The following ADIPOR2 variants were observed in gnomAD, a reference collection of about 807,000 sequenced individuals.
ADIPOR2 encodes adiponectin receptor 2.
Under a neutral mutation model 40.9 loss-of-function variants are expected in ADIPOR2, and 18 were observed. That is an observed-to-expected ratio of 0.44 (90% confidence interval 0.30 to 0.65). The LOEUF is 0.65. ADIPOR2 is among the 30% of genes least tolerant of loss of function. The pLI, the probability that ADIPOR2 is intolerant of heterozygous loss-of-function variation, is 0.09. For missense variants in ADIPOR2, 283 were observed against 479.2 expected (o/e 0.59, Z 3.82); for synonymous variants, 165 against 166.4 (o/e 0.99, Z 0.06).
At chr12:1,781,228 T>TA in intron 6 of ADIPOR2, 152 bp downstream of exon 6, 1 of 841,972 alleles carries the variant, frequency 1.2e-6, no homozygotes, top group Non-Finnish European at 1.7e-6. Flanking sequence ...GGGGTTTTTT[T>TA]ATGTAGTAGT....
intron 2 of ADIPOR2, among the ~76,000 whole-genome samples, chr12:1,754,994 ATGAGTCAT>A (rs1862092925): frequency 8.5e-6 from 1 of 118,144 alleles, no homozygotes; most frequent in Non-Finnish European, 2.1e-5. Flanking sequence ...GATTACAGGC[ATGAGTCAT>A]CGTGCCCAGC....
At chr12:1,746,680 T>C (rs915207048) in intron 1 of ADIPOR2, among the ~76,000 whole-genome samples, 1 of 152,158 alleles carries the variant, frequency 6.6e-6, no homozygotes, top group Non-Finnish European at 1.5e-5. Context: ...CTGGAGACTT[T>C]AATATGCCAC....
intron 4 of ADIPOR2, among the ~76,000 whole-genome samples, chr12:1,779,236 T>C (rs1404732902): frequency 6.6e-6 from 1 of 152,200 alleles, no homozygotes; most frequent in Non-Finnish European, 1.5e-5. Flanking sequence ...TGCAGCAACA[T>C]TATTCATAAT....
chr12:1,723,114 AG>A (rs1298252001), intron 1 of ADIPOR2, among the ~76,000 whole-genome samples: 1 of 152,190 alleles, frequency 6.6e-6, no homozygotes, highest in South Asian at 2.1e-4. Flanking sequence ...GTGGCCTTGA[AG>A]TTCATTTTGG....
At chr12:1,700,382 T>C (rs1183155974) in intron 1 of ADIPOR2, among the ~76,000 whole-genome samples, 6 of 152,232 alleles carry the variant, frequency 3.9e-5, no homozygotes, top group Non-Finnish European at 7.3e-5. Context: ...GGAGGATGTC[T>C]TTGTGGTAGG....
chr12:1,783,278 G>T (rs1162189419), intron 6 of ADIPOR2, among the ~76,000 whole-genome samples: 1 of 152,056 alleles, frequency 6.6e-6, no homozygotes, highest in Non-Finnish European at 1.5e-5. Context: ...AGAAGGACAG[G>T]CTAGGACAGT....
chr12:1,741,100 T>C (rs1479040020), intron 1 of ADIPOR2, among the ~76,000 whole-genome samples: 2 of 151,794 alleles, frequency 1.3e-5, no homozygotes, highest in African/African-American at 4.8e-5. Context: ...GTTGGAGAGG[T>C]TGGTGGGGCA....
At chr12:1,774,607 A>T (rs1862549570) in intron 3 of ADIPOR2, among the ~76,000 whole-genome samples, 1 of 152,158 alleles carries the variant, frequency 6.6e-6, no homozygotes, top group African/African-American at 2.4e-5. Context: ...TCCACGTTTG[A>T]TCTTGGTCAC....
At chr12:1,719,967 G>A (rs1473994374) in intron 1 of ADIPOR2, among the ~76,000 whole-genome samples, 2 of 152,076 alleles carry the variant, frequency 1.3e-5, no homozygotes, top group South Asian at 4.1e-4. Flanking sequence ...TTGAGCCACC[G>A]TGTCTGTCCT....
At chr12:1,722,619 T>C (rs7975375) in intron 1 of ADIPOR2, among the ~76,000 whole-genome samples, 23,046 of 152,162 alleles carry the variant, frequency 0.15, 1,906 homozygotes, top group African/African-American at 0.21. Flanking sequence ...AATAGACTCC[T>C]AAGAAATTTT....
rs1338832547 is a variant in ADIPOR2, at chr12:1,723,349, G to T, written c.-86-30909G>T. ...TAATTCCTTCTAAAAATGTGGAAGG[G>T]CTGGGCACAGTGGCTCATGCCTGTA... On this transcript the variant is annotated intron_variant, in intron 1 of 7. Coordinates refer to ENST00000357103, the MANE Select transcript of ADIPOR2 (RefSeq NM_024551.3). Among the ~76,000 whole-genome samples, 4 of 151,926 alleles carry T rather than the reference G, an allele frequency of 2.6e-5. No homozygotes were observed. In the South Asian group the frequency reaches 8.3e-4, roughly 32 times the overall value.
At chr12:1,736,037 G>A (rs2094729763) in intron 1 of ADIPOR2, among the ~76,000 whole-genome samples, 1 of 152,206 alleles carries the variant, frequency 6.6e-6, no homozygotes, top group African/African-American at 2.4e-5. Context: ...GTTCATCAGG[G>A]ATATTGGTCT....
At position 1,786,156 on chromosome 12, in the gene ADIPOR2, C is replaced by T. The variant is rs1260189488; in HGVS notation, c.*84C>T. ...TCCCTGCTGGCTACTGATGCCAGTA[C>T]CAGAGGAGCCCCAAAACTTTGACAG... is the stretch of plus-strand genomic sequence containing the variant. On this transcript the variant is annotated 3_prime_UTR_variant, in exon 8 of 8. Coordinates refer to ENST00000357103, the MANE Select transcript of ADIPOR2 (RefSeq NM_024551.3). The T allele has an allele frequency of 2.0e-6, 3 of 1,519,644 alleles. No homozygotes were observed. The highest frequency in any genetic ancestry group is 4.5e-5 in the East Asian group (2 of 44,120). 94.1% of individuals were successfully genotyped at this position (1,519,644 alleles called of 1,614,324 possible). A position where few individuals can be genotyped will look rare whatever the true frequency, so the allele number is the denominator to read the frequency against.
rs142415743 is a variant in ADIPOR2, at chr12:1,729,932, C to A, written c.-86-24326C>A. Among the ~76,000 whole-genome samples, 133 of 152,092 alleles carry A rather than the reference C, an allele frequency of 8.7e-4. 3 individuals are homozygous for A. In the East Asian group the frequency reaches 0.023, roughly 26 times the overall value. On this transcript the variant is annotated intron_variant, in intron 1 of 7. Transcript: ENST00000357103. The stretch of plus-strand genomic sequence containing the variant: ...AATGAACTTGCAGCATAAGAGTGCA[C>A]CCTATTTAGTGGTACTGTTTAATTA...
chr12:1,711,722 C>G (rs1057003661), intron 1 of ADIPOR2, among the ~76,000 whole-genome samples: 2 of 151,798 alleles, frequency 1.3e-5, no homozygotes, highest in Non-Finnish European at 2.9e-5. Context: ...GTCTCTTCCT[C>G]TCTCTCTCTT....
At chr12:1,723,346 A>G (rs2094701371) in intron 1 of ADIPOR2, among the ~76,000 whole-genome samples, 1 of 151,646 alleles carries the variant, frequency 6.6e-6, no homozygotes, top group Non-Finnish European at 1.5e-5. Context: ...AAAATGTGGA[A>G]GGGCTGGGCA....
intron 1 of ADIPOR2, chr12:1,697,412 A>G (rs1325659112): frequency 6.5e-6 from 1 of 153,030 alleles, no homozygotes; most frequent in East Asian, 1.9e-4. Flanking sequence ...CCTAGGAAGA[A>G]TGTCAAGGTG....
intron 1 of ADIPOR2, among the ~76,000 whole-genome samples, chr12:1,731,725 C>T (rs911024090): frequency 6.6e-6 from 1 of 152,128 alleles, no homozygotes; most frequent in Non-Finnish European, 1.5e-5. Flanking sequence ...TTTAGGAGGC[C>T]GAGCTGGGCA....
chr12:1,775,871 C>G (rs1565657475), intron 3 of ADIPOR2, among the ~76,000 whole-genome samples: 1 of 152,214 alleles, frequency 6.6e-6, no homozygotes, highest in Non-Finnish European at 1.5e-5. Flanking sequence ...TTCTCTTTCT[C>G]TCCATAAAGT....
Sources: gnomAD v4.1 joint callset for allele counts (sites outside exome capture counted in the v4.1 genomes callset) on GRCh38, gnomAD v4.1.1 for gene constraint, MANE v1.5 for transcripts, NCBI Gene and HGNC (gene_info 2026-07-23, HGNC 2026-07-21) for gene names.